The following MME variants were observed in gnomAD, a reference collection of about 807,000 sequenced individuals.
MME encodes membrane metalloendopeptidase.
MME carries 98 observed loss-of-function variants against 113.2 expected under a neutral mutation model. The ratio of observed to expected loss-of-function variants is 0.87; its 90% confidence interval spans 0.74 to 1.02. The LOEUF is 1.02. Ranked by LOEUF, MME falls within the 50% of genes least tolerant of loss-of-function variation. The pLI is 0.00. For missense variants in MME, 836 were observed against 896.0 expected (o/e 0.93, Z 0.86); for synonymous variants, 292 against 300.6 (o/e 0.97, Z 0.30).
intron 1 of MME, among the ~76,000 whole-genome samples, chr3:155,040,567 T>C (rs902609633): frequency 2.0e-5 from 3 of 151,838 alleles, no homozygotes; most frequent in African/African-American, 7.3e-5. Flanking sequence ...ATGCATGTAA[T>C]ATATAGAAAG....
chr3:155,084,135 A>T (rs61762318), intron 1 of MME, 23 bp from the exon 2 acceptor site: 4 of 1,572,876 alleles, frequency 2.5e-6, no homozygotes, highest in African/African-American at 2.7e-5. Context: ...GTTTTTCATT[A>T]TTAGTATTTT....
chr3:155,132,145 G>C (rs1720192260), intron 8 of MME, among the ~76,000 whole-genome samples: 1 of 152,190 alleles, frequency 6.6e-6, no homozygotes, highest in Non-Finnish European at 1.5e-5. Context: ...AGGTTACCCA[G>C]ATATCAATCT....
At chr3:155,107,817 T>A (rs1483471082) in intron 3 of MME, among the ~76,000 whole-genome samples, 2 of 152,190 alleles carry the variant, frequency 1.3e-5, no homozygotes, top group African/African-American at 4.8e-5. Flanking sequence ...CTTTTTGTAG[T>A]CCATTTAGTC....
At chr3:155,044,847 G>A (rs896902787) in intron 1 of MME, among the ~76,000 whole-genome samples, 1 of 152,046 alleles carries the variant, frequency 6.6e-6, no homozygotes, top group Non-Finnish European at 1.5e-5. Flanking sequence ...TGACGAAGAA[G>A]TAGAATTTAT....
chr3:155,143,125 T>C (rs569089125), intron 12 of MME, among the ~76,000 whole-genome samples: 1 of 152,284 alleles, frequency 6.6e-6, no homozygotes, highest in East Asian at 1.9e-4. Context: ...TTACATTTAT[T>C]GAATATGACT....
intron 8 of MME, among the ~76,000 whole-genome samples, chr3:155,130,290 T>G (rs1720036364): frequency 1.3e-5 from 2 of 152,236 alleles, no homozygotes. Flanking sequence ...GCCACTATGA[T>G]TTATTTTTAC....
At chr3:155,124,457 G>T (rs1291576700) in intron 8 of MME, among the ~76,000 whole-genome samples, 3 of 152,090 alleles carry the variant, frequency 2.0e-5, no homozygotes, top group Non-Finnish European at 4.4e-5. Flanking sequence ...TTCCGTTGCT[G>T]GTGAGGAACT....
Position 155,125,616 on chromosome 3 carries a change from G to A in MME, c.720+6805G>A, listed in dbSNP as rs565910259. ...CCTGGGATTACAGGTGCCCGCCACC[G>A]CGCCCAGCTAATTTTTGTATTTTTA... is the stretch of plus-strand genomic sequence containing the variant. On this transcript the variant is annotated intron_variant, in intron 8 of 22. Coordinates refer to ENST00000360490, the MANE Select transcript of MME (RefSeq NM_007289.4). Among the ~76,000 whole-genome samples the A allele has an allele frequency of 1.4e-3, 206 of 151,458 alleles. 1 individual carries two copies. The highest frequency in any genetic ancestry group is 4.6e-3 in the African/African-American group (190 of 41,294).
At chr3:155,064,932 T>C (rs1488750301) in intron 1 of MME, among the ~76,000 whole-genome samples, 1 of 152,164 alleles carries the variant, frequency 6.6e-6, no homozygotes, top group Non-Finnish European at 1.5e-5. Flanking sequence ...TTGCTTCTGT[T>C]ATCACATGGC....
intron 12 of MME, 67 bp from the exon 13 acceptor site, chr3:155,143,376 G>A (rs1468467331): frequency 1.3e-6 from 2 of 1,571,172 alleles, no homozygotes; most frequent in East Asian, 2.3e-5. Flanking sequence ...TTTGTGAAAT[G>A]TGTGCTCTTA....
chr3:155,104,906 A>T (rs1717564093), intron 3 of MME, among the ~76,000 whole-genome samples: 1 of 152,244 alleles, frequency 6.6e-6, no homozygotes, highest in Non-Finnish European at 1.5e-5. Context: ...TTGCCAGCAG[A>T]GTCTTTCAGG....
chr3:155,153,412 AT>A (rs1347723446), intron 16 of MME, among the ~76,000 whole-genome samples: 1 of 152,206 alleles, frequency 6.6e-6, no homozygotes, highest in Non-Finnish European at 1.5e-5. Context: ...AATTTTAAAC[AT>A]GTCATTATAA....
At chr3:155,126,983 G>A (rs1719721599) in intron 8 of MME, among the ~76,000 whole-genome samples, 1 of 149,600 alleles carries the variant, frequency 6.7e-6, no homozygotes, top group South Asian at 2.1e-4. Flanking sequence ...CTCCAGCCTG[G>A]GCAACAAGAG....
intron 8 of MME, among the ~76,000 whole-genome samples, chr3:155,122,331 G>T: frequency 6.7e-6 from 1 of 148,452 alleles, no homozygotes; most frequent in East Asian, 2.0e-4. Flanking sequence ...AGTCTTACTA[G>T]CGGTCTATCA....
At chr3:155,027,754 A>G (rs1712835087) in intron 1 of MME, among the ~76,000 whole-genome samples, 2 of 152,204 alleles carry the variant, frequency 1.3e-5, no homozygotes, top group African/African-American at 2.4e-5. Flanking sequence ...AAACACACAA[A>G]TAGTTTACTC....
intron 1 of MME, among the ~76,000 whole-genome samples, chr3:155,067,300 C>CT (rs576443367): frequency 0.017 from 1,609 of 92,026 alleles, 420 homozygotes; most frequent in Middle Eastern, 0.058. Context: ...ATTTATTTTC[C>CT]TTTTTTTTTT....
At chr3:155,061,861 G>A (rs751506183) in intron 1 of MME, among the ~76,000 whole-genome samples, 2 of 151,976 alleles carry the variant, frequency 1.3e-5, no homozygotes, top group Non-Finnish European at 2.9e-5. Flanking sequence ...GGGTTTTGCC[G>A]TGTTGGCCAG....
intron 18 of MME, among the ~76,000 whole-genome samples, 195 bp from the exon 19 acceptor site, chr3:155,168,297 G>A (rs1711541993): frequency 6.6e-6 from 1 of 152,174 alleles, no homozygotes; most frequent in Non-Finnish European, 1.5e-5. Context: ...ATGCTGAGAA[G>A]CATTAGCAAA....
intron 3 of MME, chr3:155,089,782 AGCCTG>A: frequency 2.3e-6 from 1 of 425,804 alleles, no homozygotes; most frequent in Non-Finnish European, 4.8e-6. Context: ...GTTGAAGACC[AGCCTG>A]GCCTACATGG....
Sources: allele counts gnomAD v4.1 joint callset (sites outside exome capture counted in the v4.1 genomes callset), GRCh38; gene constraint gnomAD v4.1.1; transcripts MANE v1.5; gene names NCBI Gene and HGNC (gene_info 2026-07-23, HGNC 2026-07-21).